PRRG1: variants seen among roughly 807,000 people sequenced by gnomAD.
PRRG1 encodes transmembrane gamma-carboxyglutamic acid protein 1.
A neutral mutation model predicts 11.8 loss-of-function variants in PRRG1; 5 were observed. The ratio of observed to expected loss-of-function variants is 0.42; its 90% confidence interval spans 0.22 to 0.89. PRRG1 has a LOEUF of 0.89. PRRG1 is among the 40% of genes least tolerant of loss of function. The probability of loss-of-function intolerance (pLI) is 0.28; values close to 1 mark genes in which losing one functional copy is unlikely to be tolerated. For missense variants in PRRG1, 155 were observed against 166.1 expected (o/e 0.93, Z 0.37); for synonymous variants, 66 against 60.4 (o/e 1.09, Z -0.43).
chrX:37,357,089 T>G (rs1930259541), intron 1 of PRRG1, among the ~76,000 whole-genome samples: 1 of 111,997 alleles, frequency 8.9e-6, no homozygotes, highest in Non-Finnish European at 1.9e-5. Flanking sequence ...TTCCAGCCCC[T>G]GGAACCCACT....
intron 1 of PRRG1, among the ~76,000 whole-genome samples, chrX:37,349,936 A>G (rs1186801122): frequency 9.3e-6 from 1 of 108,017 alleles, no homozygotes; most frequent in Admixed American, 9.9e-5. Flanking sequence ...CTTCTGATCC[A>G]TTGTGCCCGT....
intron 3 of PRRG1, among the ~76,000 whole-genome samples, chrX:37,452,706 C>T (rs1569450710): frequency 8.9e-6 from 1 of 111,958 alleles, no homozygotes; most frequent in Non-Finnish European, 1.9e-5. Context: ...AAGACTACAA[C>T]TGCCTAAACT....
intron 1 of PRRG1, among the ~76,000 whole-genome samples, chrX:37,399,501 C>G (rs1931870131): frequency 9.0e-6 from 1 of 111,030 alleles, no homozygotes; most frequent in African/African-American, 3.3e-5. Context: ...TGGAAAGGAA[C>G]AACCAGTACC....
chrX:37,403,015 C>T (rs1425574523), intron 1 of PRRG1, among the ~76,000 whole-genome samples: 1 of 110,530 alleles, frequency 9.0e-6, no homozygotes, highest in Admixed American at 9.6e-5. Context: ...AATAGGAACA[C>T]TTTTACACTG....
chrX:37,442,256 ACT>A lies in PRRG1; in HGVS notation c.172-10876_172-10875del, dbSNP rs200862258. The A allele has an allele frequency of 4.4e-3, 3,232 of 742,576 alleles. 84 individuals carry two copies. In the African/African-American group the frequency reaches 0.069, roughly 16 times the overall value. 61.2% of individuals were successfully genotyped at this position (742,576 alleles called of 1,213,427 possible). On this transcript the variant is annotated intron_variant, in intron 3 of 3. Transcript: ENST00000378628. ...TGTCCAGTTGATGCGTGCCTACAAC[ACT>A]CTCACCTTTTAGGAATCAGGGCACA...
intron 3 of PRRG1, chrX:37,441,547 G>T: frequency 5.2e-6 from 4 of 762,972 alleles, no homozygotes; most frequent in Non-Finnish European, 6.2e-6. Context: ...AGTGTTGCAG[G>T]TGCGTCAGAA....
chrX:37,448,651 C>T (rs1343794756), intron 3 of PRRG1, among the ~76,000 whole-genome samples: 2 of 112,156 alleles, frequency 1.8e-5, no homozygotes, highest in African/African-American at 6.5e-5. Context: ...CTTCATCCCC[C>T]AGCCATATCA....
At chrX:37,351,196 A>G (rs1930049585) in intron 1 of PRRG1, among the ~76,000 whole-genome samples, 1 of 111,752 alleles carries the variant, frequency 8.9e-6, no homozygotes, top group South Asian at 3.7e-4. Context: ...ATGCTGTTAG[A>G]AAGATGGTAA....
rs143945271 is a variant in PRRG1 at position 37,377,837 on chromosome X, G to A, written c.-41-28372G>A. The stretch of plus-strand genomic sequence containing the variant: ...CGTCTCCATTTACTCAGTAATGTAC[G>A]CAGACTGGGAAACCTTAAGAAGGGT... On this transcript the variant is annotated intron_variant, in intron 1 of 3. Transcript: ENST00000378628. 1.0e-3 allele frequency among the ~76,000 whole-genome samples: 112 copies of A among 111,516 alleles called. 2 individuals are homozygous for A. The East Asian group carries it at 0.019, about 19-fold the overall frequency.
At chrX:37,361,681 C>T (rs1378930924) in intron 1 of PRRG1, among the ~76,000 whole-genome samples, 2 of 111,323 alleles carry the variant, frequency 1.8e-5, no homozygotes, top group Non-Finnish European at 3.8e-5. Flanking sequence ...TTCTGGAGTC[C>T]TAGTTAACAA....
chrX:37,432,333 G>A (rs192846802), intron 3 of PRRG1, among the ~76,000 whole-genome samples: 41 of 110,797 alleles, frequency 3.7e-4, no homozygotes, highest in African/African-American at 9.5e-4. Flanking sequence ...TGATCCGCCC[G>A]CCTTGGCCTC....
At chrX:37,409,143 A>G (rs1556382988) in intron 2 of PRRG1, among the ~76,000 whole-genome samples, 3 of 112,008 alleles carry the variant, frequency 2.7e-5, no homozygotes, top group African/African-American at 9.7e-5. Context: ...ATTAACACAT[A>G]CTTTATATGC....
At chrX:37,441,239 G>A in intron 3 of PRRG1, 5 of 775,670 alleles carry the variant, frequency 6.4e-6, no homozygotes, top group Non-Finnish European at 7.7e-6. Context: ...TATTACAGAG[G>A]GGACCAATTA....
chrX:37,394,290 A>G (rs1235169456), intron 1 of PRRG1, among the ~76,000 whole-genome samples: 1 of 112,188 alleles, frequency 8.9e-6, no homozygotes, highest in East Asian at 2.8e-4. Context: ...GAGCTCTTAG[A>G]TAGCCAAAGA....
At chrX:37,377,501 T>C (rs114958139) in intron 1 of PRRG1, among the ~76,000 whole-genome samples, 4,269 of 112,085 alleles carry the variant, frequency 0.038, 200 homozygotes, top group African/African-American at 0.13. Context: ...GTATGAATTA[T>C]AAAATCCTCA....
At chrX:37,398,234 T>C (rs1931793345) in intron 1 of PRRG1, among the ~76,000 whole-genome samples, 1 of 110,485 alleles carries the variant, frequency 9.1e-6, no homozygotes, top group African/African-American at 3.3e-5. Flanking sequence ...ACCCCCCCAG[T>C]AGGGGCGGAC....
At chrX:37,353,860 C>G (rs1234444398) in intron 1 of PRRG1, among the ~76,000 whole-genome samples, 1 of 112,480 alleles carries the variant, frequency 8.9e-6, no homozygotes, top group Non-Finnish European at 1.9e-5. Flanking sequence ...ATTTCTCAGA[C>G]CATATCCCAG....
chrX:37,403,924 C>G, intron 1 of PRRG1: 1 of 253,938 alleles, frequency 3.9e-6, no homozygotes, highest in South Asian at 1.9e-4. Flanking sequence ...AGGTGGCTGA[C>G]ATGTAGTATT....
rs782125904 is a variant in PRRG1, at chrX:37,397,977, AACACACAC to A, written c.-41-8200_-41-8193del. On this transcript the variant is annotated intron_variant, in intron 1 of 3. Transcript: ENST00000378628. ...TGCTGCTTACAGAAGTATAAAAACT[AACACACAC>A]ACACACACACACACACACACACACA... Among the ~76,000 whole-genome samples, 13 of 83,998 alleles carry A rather than the reference AACACACAC, an allele frequency of 1.5e-4. No individual in the cohort carries two copies. In the East Asian group the frequency reaches 3.4e-3, roughly 22 times the overall value. The allele number at this position is 83,998 out of a possible 115,157, so 72.9% of individuals were successfully genotyped here. A position where few individuals can be genotyped will look rare whatever the true frequency, so the allele number is the denominator to read the frequency against.
Sources: allele counts gnomAD v4.1 joint callset (sites outside exome capture counted in the v4.1 genomes callset), GRCh38; gene constraint gnomAD v4.1.1; transcripts MANE v1.5; gene names NCBI Gene and HGNC (gene_info 2026-07-23, HGNC 2026-07-21).